Variants in P2RY14 observed in about 807,000 individuals in gnomAD.
P2RY14 encodes the protein P2Y purinoceptor 14.
Under a neutral mutation model 0.9 loss-of-function variants are expected in P2RY14, and 2 were observed. The ratio of observed to expected loss-of-function variants is 2.16; its 90% CI spans 0.88 to 6.79. The LOEUF is 6.79. Ranked by LOEUF, P2RY14 falls within the 30% of genes most tolerant of loss-of-function variation. The probability of loss-of-function intolerance (pLI) is 0.05; values close to 1 mark genes in which losing one functional copy is unlikely to be tolerated. For missense variants in P2RY14, 378 were observed against 400.1 expected (o/e 0.94, Z 0.47); for synonymous variants, 158 against 147.2 (o/e 1.07, Z -0.53).
At chr3:151,250,065 C>T (rs1393323318) in intron 1 of P2RY14, among the ~76,000 whole-genome samples, 1 of 152,130 alleles carries the variant, frequency 6.6e-6, no homozygotes, top group Non-Finnish European at 1.5e-5. Context: ...AGCAATCATC[C>T]AGTCGGTACC....
intron 1 of P2RY14, among the ~76,000 whole-genome samples, chr3:151,262,877 A>G (rs1326946863): frequency 6.6e-6 from 1 of 152,172 alleles, no homozygotes; most frequent in African/African-American, 2.4e-5. Flanking sequence ...CCTCAGTTAA[A>G]TGATAGAGGG....
chr3:151,240,916 G>T (rs1343850393), intron 1 of P2RY14, among the ~76,000 whole-genome samples: 2 of 152,174 alleles, frequency 1.3e-5, no homozygotes, highest in Non-Finnish European at 2.9e-5. Flanking sequence ...GTGTCATCTT[G>T]CCTGAATCAC....
chr3:151,245,539 T>A (rs1418302403), intron 1 of P2RY14, among the ~76,000 whole-genome samples: 2 of 149,248 alleles, frequency 1.3e-5, no homozygotes, highest in African/African-American at 4.9e-5. Context: ...TCTCAATAGA[T>A]GCAGAAAAGG....
chr3:151,243,025 GATGAAATGA>G (rs1734540354), intron 1 of P2RY14, among the ~76,000 whole-genome samples: 1 of 151,710 alleles, frequency 6.6e-6, no homozygotes, highest in African/African-American at 2.4e-5. Flanking sequence ...AGCGATGGAA[GATGAAATGA>G]ATGAAATGAA....
chr3:151,243,477 C>A (rs1420472770), intron 1 of P2RY14, among the ~76,000 whole-genome samples: 7 of 152,228 alleles, frequency 4.6e-5, no homozygotes, highest in African/African-American at 1.4e-4. Context: ...TTCTTAAAGA[C>A]AAGAATTTTC....
Position 151,247,642 on chromosome 3 carries a change from G to A in P2RY14, c.-132-28000C>T, listed in dbSNP as rs1735900639. On this transcript the variant is annotated intron_variant, in intron 1 of 2. Coordinates refer to ENST00000309170, the MANE Select transcript of P2RY14 (RefSeq NM_014879.4). ...TCGGGGAGGGGGGAGGGATAGCATT[G>A]GGAGATGTACCTAATGCTAGATGAC... Among the ~76,000 whole-genome samples the A allele has an allele frequency of 2.8e-5, 4 of 142,832 alleles. No individual in the cohort carries two copies. The South Asian group carries it at 9.8e-4, about 35-fold the overall frequency. 93.7% of individuals were successfully genotyped at this position (142,832 alleles called of 152,430 possible).
At chr3:151,230,006 G>C (rs950624695) in intron 1 of P2RY14, among the ~76,000 whole-genome samples, 1 of 152,014 alleles carries the variant, frequency 6.6e-6, no homozygotes, top group Admixed American at 6.5e-5. Flanking sequence ...GTCTCGCTCT[G>C]TTGCCCAGGC....
At chr3:151,258,892 G>A (rs1318311596) in intron 1 of P2RY14, among the ~76,000 whole-genome samples, 1 of 151,282 alleles carries the variant, frequency 6.6e-6, no homozygotes, top group Admixed American at 6.6e-5. Flanking sequence ...CTACTCTAAG[G>A]TAGAGGAGGC....
chr3:151,215,676 A>G (rs1728068935), intron 2 of P2RY14, among the ~76,000 whole-genome samples: 1 of 152,196 alleles, frequency 6.6e-6, no homozygotes, highest in South Asian at 2.1e-4. Flanking sequence ...ATATATCGGA[A>G]CAGATGTTTA....
chr3:151,253,660 G>T (rs1410893573), intron 1 of P2RY14, among the ~76,000 whole-genome samples: 1 of 152,046 alleles, frequency 6.6e-6, no homozygotes, highest in Non-Finnish European at 1.5e-5. Flanking sequence ...TTTTTGTGAG[G>T]GGGTGGGTGG....
chr3:151,266,887 G>A (rs1739936973), intron 1 of P2RY14, among the ~76,000 whole-genome samples: 1 of 152,176 alleles, frequency 6.6e-6, no homozygotes, highest in Admixed American at 6.5e-5. Context: ...TGTTGTAGGA[G>A]TCTGTAACTT....
chr3:151,261,420 A>G (rs1738862757), intron 1 of P2RY14: 1 of 152,140 alleles, frequency 6.6e-6, no homozygotes, highest in African/African-American at 2.4e-5. Context: ...GATGGTGGCC[A>G]TGGCTTGCTA....
intron 1 of P2RY14, among the ~76,000 whole-genome samples, chr3:151,266,033 A>G (rs1346437601): frequency 6.6e-6 from 1 of 152,206 alleles, no homozygotes; most frequent in Non-Finnish European, 1.5e-5. Context: ...TTTCTGAGCT[A>G]CTGACTTAGA....
At chr3:151,241,205 C>G (rs78799275) in intron 1 of P2RY14, among the ~76,000 whole-genome samples, 1,958 of 152,222 alleles carry the variant, frequency 0.013, 48 homozygotes, top group African/African-American at 0.046. Context: ...GAGACTATAT[C>G]TCTTTAGTTG....
At chr3:151,231,735 A>G (rs1453281808) in intron 1 of P2RY14, among the ~76,000 whole-genome samples, 1 of 152,214 alleles carries the variant, frequency 6.6e-6, no homozygotes, top group African/African-American at 2.4e-5. Context: ...AGACAGTTGT[A>G]TAACTCTGAA....
At chr3:151,237,971 A>G (rs1169598838) in intron 1 of P2RY14, among the ~76,000 whole-genome samples, 1 of 152,150 alleles carries the variant, frequency 6.6e-6, no homozygotes, top group Non-Finnish European at 1.5e-5. Flanking sequence ...TACTATAAAT[A>G]GGCTTTCTAG....
chr3:151,234,387 C>T (rs1470824330), intron 1 of P2RY14, among the ~76,000 whole-genome samples: 2 of 152,192 alleles, frequency 1.3e-5, no homozygotes, highest in Non-Finnish European at 2.9e-5. Flanking sequence ...CAAATAGTTA[C>T]GTTGTAGAGC....
At chr3:151,243,132 A>G (rs894722320) in intron 1 of P2RY14, among the ~76,000 whole-genome samples, 7 of 152,170 alleles carry the variant, frequency 4.6e-5, no homozygotes, top group East Asian at 1.9e-4. Context: ...GACCAAATCT[A>G]TGTCTGCTTG....
At chr3:151,228,097 T>C (rs1730904614) in intron 1 of P2RY14, among the ~76,000 whole-genome samples, 1 of 152,188 alleles carries the variant, frequency 6.6e-6, no homozygotes, top group Admixed American at 6.5e-5. Context: ...CAGCAGTAAG[T>C]AATCTGTATG....
Sources: allele counts gnomAD v4.1 joint callset (sites outside exome capture counted in the v4.1 genomes callset), GRCh38; gene constraint gnomAD v4.1.1; transcripts MANE v1.5; gene names NCBI Gene and HGNC (gene_info 2026-07-23, HGNC 2026-07-21).